The following PHTF2 variants were observed in gnomAD, a reference collection of about 807,000 sequenced individuals.
PHTF2 encodes putative homeodomain transcription factor 2.
A neutral mutation model predicts 101.2 loss-of-function variants in PHTF2; 60 were observed. That is an observed-to-expected ratio of 0.59 (90% CI 0.48 to 0.73). PHTF2 has a LOEUF of 0.73. Ranked by LOEUF, PHTF2 falls within the 30% of genes least tolerant of loss-of-function variation. PHTF2 has a pLI of 0.00. For missense variants in PHTF2, 747 were observed against 908.7 expected (o/e 0.82, Z 2.29); for synonymous variants, 311 against 307.3 (o/e 1.01, Z -0.13).
chr7:77,859,428 G>T (rs1052699043), intron 3 of PHTF2, among the ~76,000 whole-genome samples: 2 of 152,216 alleles, frequency 1.3e-5, no homozygotes, highest in Middle Eastern at 3.4e-3. Flanking sequence ...AGAAGGTCAG[G>T]ATCCCAAATA....
chr7:77,810,216 C>T (rs999885482), intron 1 of PHTF2, among the ~76,000 whole-genome samples: 9 of 152,076 alleles, frequency 5.9e-5, no homozygotes, highest in African/African-American at 1.9e-4. Context: ...TTTCTTGACT[C>T]ATTTGAGTCA....
chr7:77,870,650 A>G (rs897943648), intron 3 of PHTF2, among the ~76,000 whole-genome samples: 7 of 152,178 alleles, frequency 4.6e-5, no homozygotes, highest in Non-Finnish European at 8.8e-5. Context: ...AGACACACCC[A>G]GGATCAAAAC....
chr7:77,800,125 A>G (rs974659989), intron 1 of PHTF2, among the ~76,000 whole-genome samples: 7 of 151,948 alleles, frequency 4.6e-5, no homozygotes, highest in Non-Finnish European at 7.4e-5. Context: ...TTGGAAGGGG[A>G]ATTCTGAAAG....
At chr7:77,823,200 G>A (rs777935264) in intron 1 of PHTF2, among the ~76,000 whole-genome samples, 2 of 150,530 alleles carry the variant, frequency 1.3e-5, no homozygotes, top group African/African-American at 2.5e-5. Context: ...CACCGCGCCC[G>A]GCCAAATATT....
In PHTF2 at chr7:77,931,045, A is replaced by G. The variant is rs544764609; in HGVS notation, c.1338+1718A>G. On this transcript the variant is annotated intron_variant, in intron 12 of 19. Transcript: ENST00000416283. ...TTATAATGGATCACTAATACATGAC[A>G]ATAAGTGGCATTACAAGTCAGTAGA... Among the ~76,000 whole-genome samples, 9 of 152,326 alleles carry G rather than the reference A, an allele frequency of 5.9e-5. No individual in the cohort carries two copies. The South Asian group carries it at 1.9e-3, about 32-fold the overall frequency.
intron 5 of PHTF2, among the ~76,000 whole-genome samples, chr7:77,898,465 AAT>A (rs1313558306): frequency 6.6e-6 from 1 of 152,240 alleles, no homozygotes; most frequent in Non-Finnish European, 1.5e-5. Context: ...GTTTTGTTTA[AAT>A]ATATGTATTA....
At chr7:77,817,759 G>A (rs1313400444) in intron 1 of PHTF2, among the ~76,000 whole-genome samples, 1 of 152,192 alleles carries the variant, frequency 6.6e-6, no homozygotes, top group African/African-American at 2.4e-5. Flanking sequence ...TTTGAGAAAT[G>A]TCTTTAGATT....
intron 2 of PHTF2, among the ~76,000 whole-genome samples, chr7:77,841,581 A>G (rs1427657995): frequency 6.6e-6 from 1 of 152,100 alleles, no homozygotes; most frequent in Non-Finnish European, 1.5e-5. Context: ...CCTCCTACCT[A>G]AACCTCCCTT....
In PHTF2 at chr7:77,856,300, A is replaced by G. The variant is rs191822564; in HGVS notation, c.147+1466A>G. Among the ~76,000 whole-genome samples the G allele has an allele frequency of 1.8e-4, 27 of 152,336 alleles. No individual in the cohort carries two copies. In the East Asian group the frequency reaches 4.2e-3, roughly 24 times the overall value. On this transcript the variant is annotated intron_variant, in intron 3 of 19. Transcript: ENST00000416283. The stretch of plus-strand genomic sequence containing the variant: ...AGCCCTCCAGGTCTGTGGGCTCCAC[A>G]TCTGTGGATTCAAGCAACTGTGAAT...
chr7:77,949,604 C>G (rs1056200273), intron 16 of PHTF2, 74 bp from the exon 16 acceptor site: 1 of 733,494 alleles, frequency 1.4e-6, no homozygotes, highest in African/African-American at 1.8e-5. Flanking sequence ...TATGAACAAT[C>G]TATGTTTATT....
At chr7:77,863,716 C>T (rs561071477) in intron 3 of PHTF2, among the ~76,000 whole-genome samples, 136 of 151,084 alleles carry the variant, frequency 9.0e-4, no homozygotes, top group African/African-American at 2.8e-3. Context: ...AGGATTTACA[C>T]GCATTTATGT....
At chr7:77,900,901 T>G in intron 6 of PHTF2, 121 bp downstream of exon 5, 1 of 615,278 alleles carries the variant, frequency 1.6e-6, no homozygotes, top group Non-Finnish European at 2.9e-6. Context: ...TACTTGAGAT[T>G]GGGTAATTTA....
In PHTF2 at chr7:77,920,192, G is replaced by C. The variant is rs529575176; in HGVS notation, c.777-87G>C. Reference sequence around the variant, plus strand: ...AAATTTAGAGAAATAGCTATCTGATGTAATTATTAACAGATTATAATTTCT... The same window carrying C: ...AAATTTAGAGAAATAGCTATCTGATCTAATTATTAACAGATTATAATTTCT... On this transcript the variant is annotated intron_variant, in intron 9 of 19. Coordinates refer to ENST00000416283, the Ensembl canonical transcript of PHTF2. 7.5e-6 allele frequency: 5 copies of C among 662,426 alleles called. No individual in the cohort carries two copies. The Admixed American group carries it at 1.7e-4, about 22-fold the overall frequency. 41.0% of individuals were successfully genotyped at this position (662,426 alleles called of 1,614,324 possible). A position where few individuals can be genotyped will look rare whatever the true frequency, so the allele number is the denominator to read the frequency against.
chr7:77,898,217 A>C (rs2150818731), intron 5 of PHTF2, among the ~76,000 whole-genome samples: 1 of 152,282 alleles, frequency 6.6e-6, no homozygotes, highest in South Asian at 2.1e-4. Flanking sequence ...TTTCTCCTGT[A>C]GGGACTTTTG....
chr7:77,936,348 G>A (rs182398761), intron 12 of PHTF2, among the ~76,000 whole-genome samples: 46 of 152,222 alleles, frequency 3.0e-4, no homozygotes, highest in African/African-American at 1.1e-3. Context: ...TAAAATTTGA[G>A]GTTGCTACGA....
intron 1 of PHTF2, among the ~76,000 whole-genome samples, chr7:77,808,069 C>G (rs538161332): frequency 6.6e-6 from 1 of 152,242 alleles, no homozygotes; most frequent in South Asian, 2.1e-4. Context: ...CAATATCACA[C>G]TGTTATGATT....
intron 1 of PHTF2, among the ~76,000 whole-genome samples, chr7:77,804,646 G>A (rs764580178): frequency 1.3e-5 from 2 of 152,076 alleles, no homozygotes; most frequent in African/African-American, 2.4e-5. Context: ...TTCTTTTAGT[G>A]TTCAAGCCAA....
At chr7:77,840,331 T>C (rs768820217) in intron 2 of PHTF2, 31 bp downstream of exon 2, 14 of 1,437,264 alleles carry the variant, frequency 9.7e-6, no homozygotes, top group Non-Finnish European at 1.4e-5. Flanking sequence ...TTTAGCTTTC[T>C]AAATGTTTGA....
intron 1 of PHTF2, among the ~76,000 whole-genome samples, chr7:77,810,658 C>T (rs747345844): frequency 7.9e-5 from 12 of 152,138 alleles, no homozygotes; most frequent in Non-Finnish European, 1.5e-4. Flanking sequence ...CTGCCTCAGC[C>T]TCCCAGGTAG....
Sources: allele counts gnomAD v4.1 joint callset (sites outside exome capture counted in the v4.1 genomes callset), GRCh38; gene constraint gnomAD v4.1.1; transcripts MANE v1.5; gene names NCBI Gene and HGNC (gene_info 2026-07-23, HGNC 2026-07-21).